The following BCKDHB variants were observed in gnomAD, a reference collection of about 807,000 sequenced individuals.
BCKDHB encodes the protein branched chain keto acid dehydrogenase E1 subunit beta, also known as 2-oxoisovalerate dehydrogenase subunit beta, mitochondrial.
A neutral mutation model predicts 48.5 loss-of-function variants in BCKDHB; 41 were observed. The ratio of observed to expected loss-of-function variants is 0.85; its 90% CI spans 0.66 to 1.10. The LOEUF (loss-of-function observed/expected upper bound fraction) is 1.10, where lower values mean the gene tolerates loss of function less well. Ranked by LOEUF, BCKDHB falls within the 50% of genes least tolerant of loss-of-function variation. BCKDHB has a pLI of 0.00. For missense variants in BCKDHB, 496 were observed against 494.2 expected (o/e 1.00, Z -0.03); for synonymous variants, 201 against 174.8 (o/e 1.15, Z -1.18).
intron 1 of BCKDHB, among the ~76,000 whole-genome samples, chr6:80,121,614 G>A (rs1770024488): frequency 6.6e-6 from 1 of 151,826 alleles, no homozygotes; most frequent in African/African-American, 2.4e-5. Context: ...ATTTTATTTT[G>A]TTTGTAGCAA....
chr6:80,125,974 A>C (rs1373713566), intron 1 of BCKDHB, among the ~76,000 whole-genome samples: 3 of 152,208 alleles, frequency 2.0e-5, no homozygotes, highest in Non-Finnish European at 4.4e-5. Flanking sequence ...GGGCAAAATA[A>C]AGTGAAGCAC....
At chr6:80,195,769 G>T (rs1774102657) in intron 6 of BCKDHB, among the ~76,000 whole-genome samples, 1 of 152,044 alleles carries the variant, frequency 6.6e-6, no homozygotes, top group African/African-American at 2.4e-5. Flanking sequence ...GCCAGAATTG[G>T]GTTTCTGGTT....
intron 8 of BCKDHB, among the ~76,000 whole-genome samples, chr6:80,208,696 G>C (rs1256567376): frequency 6.6e-6 from 1 of 151,700 alleles, no homozygotes; most frequent in Non-Finnish European, 1.5e-5. Context: ...CAATTTTCTG[G>C]AAAAATATAA....
chr6:80,342,576 AAAAG>A lies in BCKDHB; in HGVS notation c.1039-1083_1039-1080del, dbSNP rs1350796666. Among the ~76,000 whole-genome samples, 9 of 141,602 alleles carry A rather than the reference AAAAG, an allele frequency of 6.4e-5. No homozygotes were observed. The South Asian group carries it at 8.6e-4, about 13-fold the overall frequency. The allele number at this position is 141,602 out of a possible 152,430, so 92.9% of individuals were successfully genotyped here. ...TTTCTGAAAAAAAAAAAAAAAAAAA[AAAAG>A]AAAGGGAAGAAAGGGGAAGGAAGGG... On this transcript the variant is annotated intron_variant, in intron 9 of 9. Transcript: ENST00000320393.
chr6:80,424,726 G>T, the BCKDHB span, among the ~76,000 whole-genome samples: 265 of 152,192 alleles, frequency 1.7e-3, 1 homozygote, highest in African/African-American at 6.2e-3. Flanking sequence ...ATTGCAACAT[G>T]GTCTCCTGGC....
At chr6:80,209,597 A>C (rs191948079) in intron 8 of BCKDHB, among the ~76,000 whole-genome samples, 85 of 152,140 alleles carry the variant, frequency 5.6e-4, no homozygotes, top group Admixed American at 9.2e-4. Flanking sequence ...TAGTTTTCTC[A>C]ATAGAGGATG....
At chr6:80,162,112 CG>C (rs1195188523) in intron 3 of BCKDHB, among the ~76,000 whole-genome samples, 1 of 152,138 alleles carries the variant, frequency 6.6e-6, no homozygotes, top group Non-Finnish European at 1.5e-5. Context: ...TGGGAAGTTC[CG>C]GGGCACTCAT....
At chr6:80,438,040 G>A in the BCKDHB span, among the ~76,000 whole-genome samples, 3 of 152,132 alleles carry the variant, frequency 2.0e-5, no homozygotes, top group African/African-American at 7.2e-5. Context: ...TAATAGAAAG[G>A]ATGAAACTCT....
At chr6:80,210,381 G>A (rs1582363864) in intron 8 of BCKDHB, among the ~76,000 whole-genome samples, 1 of 152,024 alleles carries the variant, frequency 6.6e-6, no homozygotes, top group East Asian at 1.9e-4. Context: ...GTAAAAAATA[G>A]ACAAAACTAA....
At chr6:80,163,826 G>C (rs748898464) in intron 3 of BCKDHB, among the ~76,000 whole-genome samples, 16 of 152,082 alleles carry the variant, frequency 1.1e-4, no homozygotes, top group Non-Finnish European at 1.6e-4. Flanking sequence ...AGGTTACCCA[G>C]GCCAAAAGAC....
At chr6:80,434,293 A>C in the BCKDHB span, among the ~76,000 whole-genome samples, 1 of 151,694 alleles carries the variant, frequency 6.6e-6, no homozygotes, top group African/African-American at 2.4e-5. Context: ...GCTTCTTAAA[A>C]ACATACAACA....
the BCKDHB span, among the ~76,000 whole-genome samples, chr6:80,380,634 G>T: frequency 6.6e-6 from 1 of 151,784 alleles, no homozygotes; most frequent in Non-Finnish European, 1.5e-5. Context: ...ATAATCAACA[G>T]AATAATCAGA....
chr6:80,435,860 C>T, the BCKDHB span, among the ~76,000 whole-genome samples: 1 of 151,994 alleles, frequency 6.6e-6, no homozygotes, highest in Admixed American at 6.6e-5. Context: ...GGTAAAAACC[C>T]GTCTCTACTA....
intron 6 of BCKDHB, among the ~76,000 whole-genome samples, chr6:80,192,709 T>C (rs182066359): frequency 6.6e-6 from 1 of 152,324 alleles, no homozygotes; most frequent in East Asian, 1.9e-4. Flanking sequence ...AAAGCTTCTT[T>C]TTTTGTTTAC....
intron 6 of BCKDHB, among the ~76,000 whole-genome samples, chr6:80,192,784 C>A (rs1773956341): frequency 6.6e-6 from 1 of 151,040 alleles, no homozygotes; most frequent in East Asian, 1.9e-4. Flanking sequence ...ATGAAGGTGC[C>A]TTATCATATC....
At chr6:80,127,174 A>G (rs920915407) in intron 1 of BCKDHB, 6 of 289,698 alleles carry the variant, frequency 2.1e-5, no homozygotes, top group Non-Finnish European at 3.3e-5. Flanking sequence ...CTGGTCATGC[A>G]CATTCCTTAT....
the BCKDHB span, among the ~76,000 whole-genome samples, chr6:80,417,905 T>C: frequency 0.037 from 5,568 of 152,256 alleles, 328 homozygotes; most frequent in African/African-American, 0.13. Flanking sequence ...AAATTCTCCT[T>C]GATAATATTC....
intron 8 of BCKDHB, among the ~76,000 whole-genome samples, chr6:80,236,658 C>T (rs1344051020): frequency 2.0e-5 from 3 of 152,002 alleles, no homozygotes; most frequent in African/African-American, 7.3e-5. Context: ...AGTAACTGGC[C>T]CCAAGACACA....
chr6:80,146,255 T>C (rs1025343664), intron 3 of BCKDHB, among the ~76,000 whole-genome samples: 1 of 152,118 alleles, frequency 6.6e-6, no homozygotes, highest in African/African-American at 2.4e-5. Context: ...GAAATCATAG[T>C]ATACATAGGC....
Sources: allele counts gnomAD v4.1 joint callset (sites outside exome capture counted in the v4.1 genomes callset), GRCh38; gene constraint gnomAD v4.1.1; transcripts MANE v1.5; gene names NCBI Gene and HGNC (gene_info 2026-07-23, HGNC 2026-07-21).